Variants in PRKDC observed in about 807,000 individuals in gnomAD.
PRKDC encodes DNA-dependent protein kinase catalytic subunit.
A neutral mutation model predicts 486.9 loss-of-function variants in PRKDC; 82 were observed. The ratio of observed to expected loss-of-function variants is 0.17; its 90% CI spans 0.14 to 0.20. The LOEUF is 0.20. PRKDC is among the 10% of genes least tolerant of loss of function. PRKDC has a pLI of 1.00. For synonymous variants in PRKDC, 1,895 were observed against 1,837.0 expected, an observed-to-expected ratio of 1.03 and a Z score of -0.81; for missense variants, 4,504 against 5,038.2, an observed-to-expected ratio of 0.89 and a Z score of 3.21.
At chr8:47,838,462 T>C (rs2088073894) in intron 56 of PRKDC, among the ~76,000 whole-genome samples, 1 of 151,542 alleles carries the variant, frequency 6.6e-6, no homozygotes, top group Non-Finnish European at 1.5e-5. Context: ...AAATAAAAAA[T>C]CAGCCAAGCC....
In PRKDC at chr8:47,896,604, G is replaced by A. The variant is rs570361401; in HGVS notation, c.3598+557C>T. ...GGAGCTTGCAGTGAGCTGAGATAGC[G>A]CCACTGCAGTCCAGCCTGGGCAAAA... On this transcript the variant is annotated intron_variant, in intron 30 of 85. Transcript: ENST00000314191. Among the ~76,000 whole-genome samples the A allele has an allele frequency of 2.5e-4, 37 of 148,092 alleles. No homozygotes were observed. The South Asian group carries it at 6.5e-3, about 26-fold the overall frequency.
intron 22 of PRKDC, among the ~76,000 whole-genome samples, 181 bp downstream of exon 22, chr8:47,918,096 G>C (rs897838868): frequency 2.0e-5 from 3 of 152,120 alleles, no homozygotes; most frequent in African/African-American, 7.2e-5. Context: ...CCCTCCTAAA[G>C]TGCTGGGATT....
intron 11 of PRKDC, among the ~76,000 whole-genome samples, chr8:47,936,936 AAT>A (rs2090362096): frequency 6.7e-6 from 1 of 150,060 alleles, no homozygotes; most frequent in African/African-American, 2.5e-5. Context: ...CAAGCTTTTT[AAT>A]TAAGAAGAAA....
At chr8:47,916,195 C>A (rs1250160643) in intron 22 of PRKDC, among the ~76,000 whole-genome samples, 1 of 152,134 alleles carries the variant, frequency 6.6e-6, no homozygotes. Context: ...ACACCTGTAT[C>A]CCAGCATTTT....
chr8:47,927,700 G>A lies in PRKDC; in HGVS notation c.2259+71C>T. ...CCTGCTGGGACTGCCAGGGCAAGAG[G>A]ATGGTGTTTCTATGTGCTCTGGGAC... is the stretch of plus-strand genomic sequence containing the variant. On this transcript the variant is annotated intron_variant, in intron 20 of 85. Transcript: ENST00000314191. 3 of 1,414,242 alleles carry A rather than the reference G, an allele frequency of 2.1e-6. No homozygotes were observed. In the Admixed American group the frequency reaches 9.8e-5, roughly 46 times the overall value. 87.6% of individuals were successfully genotyped at this position (1,414,242 alleles called of 1,614,324 possible).
intron 85 of PRKDC, among the ~76,000 whole-genome samples, chr8:47,775,967 G>A (rs1407242718): frequency 6.6e-6 from 1 of 151,958 alleles, no homozygotes; most frequent in African/African-American, 2.4e-5. Context: ...GGGATTACAG[G>A]TGCGCACCAC....
intron 31 of PRKDC, 127 bp from the exon 32 acceptor site, chr8:47,890,607 A>G: frequency 1.7e-6 from 1 of 601,272 alleles, no homozygotes; most frequent in African/African-American, 1.8e-5. Context: ...TTTCAAAAGA[A>G]ACAAACAGCT....
Position 47,866,628 on chromosome 8 carries a change from G to A in PRKDC, c.5364-1865C>T, listed in dbSNP as rs536761014. ...TACTCATAATAAAAGAAAAATTAAG[G>A]TAACAAAGGGAAACCCTTTCTCACC... On this transcript the variant is annotated intron_variant, in intron 40 of 85. Coordinates refer to ENST00000314191, the MANE Select transcript of PRKDC (RefSeq NM_006904.7). Among the ~76,000 whole-genome samples the A allele has an allele frequency of 3.9e-5, 6 of 152,150 alleles. No individual in the cohort carries two copies. The South Asian group carries it at 1.2e-3, about 32-fold the overall frequency.
intron 30 of PRKDC, 90 bp from the exon 31 acceptor site, chr8:47,893,477 C>T: frequency 1.5e-6 from 2 of 1,303,362 alleles, no homozygotes; most frequent in Non-Finnish European, 2.0e-6. Flanking sequence ...TGTTATGGGA[C>T]AATCTTTTTT....
chr8:47,794,454 C>G lies in PRKDC; in HGVS notation c.10506G>C (p.Met3502Ile). 6.2e-7 allele frequency: 1 copy of G among 1,613,720 alleles called. No homozygotes were observed. The highest frequency in any genetic ancestry group is 8.5e-7 in the Non-Finnish European group (1 of 1,179,644). The change falls in exon 74 of 86, where the codon ATG becomes ATC. Residue 3502 changes from methionine to isoleucine, a missense_variant. This residue lies in a region of PRKDC where 706 missense variants were observed against 945.0 expected (regional missense o/e 0.75). Transcript: ENST00000314191. Reference sequence around the variant, plus strand: ...CTTGGTCTTTGTCCAGTAAGGCCACCATGTGGCTGATCCAGCTGATGAACT... The same window carrying G: ...CTTGGTCTTTGTCCAGTAAGGCCACGATGTGGCTGATCCAGCTGATGAACT... ...CWQFISWISH[M>I]VALLDKDQAV...
intron 34 of PRKDC, 95 bp from the exon 35 acceptor site, chr8:47,887,800 A>T: frequency 3.1e-6 from 4 of 1,301,980 alleles, no homozygotes; most frequent in Non-Finnish European, 3.1e-6. Context: ...CCCACTTCAG[A>T]TAGCACTGAC....
At chr8:47,846,536 C>T (rs1428143094) in intron 54 of PRKDC, among the ~76,000 whole-genome samples, 2 of 152,030 alleles carry the variant, frequency 1.3e-5, no homozygotes, top group Non-Finnish European at 2.9e-5. Flanking sequence ...GACAAACCCA[C>T]AGCCTACATG....
chr8:47,834,490 T>C (rs2087963535), intron 58 of PRKDC, 94 bp from the exon 59 acceptor site: 2 of 1,322,576 alleles, frequency 1.5e-6, no homozygotes, highest in Non-Finnish European at 2.1e-6. Context: ...GGTGGCACCC[T>C]AGGCCTCCGT....
chr8:47,836,414 G>C lies in PRKDC; in HGVS notation c.7875C>G (p.Leu2625=). 6.2e-7 allele frequency: 1 copy of C among 1,612,916 alleles called. No homozygotes were observed. The highest frequency in any genetic ancestry group is 8.5e-7 in the Non-Finnish European group (1 of 1,179,354). ...TLQTRTQEGS[L]SARWPVAGQI... ...GCCCTGCCACTGGCCAGCGAGCTGA[G>C]AGGGACCCTTCCTGGGTACGGGTCT... Residue 2625 remains leucine, a synonymous_variant, in exon 58 of 86, where the codon CTC becomes CTG. Transcript: ENST00000314191.
In PRKDC at chr8:47,959,844, C is replaced by T. The variant is rs1039700847; in HGVS notation, c.154+129G>A. 1.9e-5 allele frequency: 27 copies of T among 1,418,166 alleles called. No individual in the cohort carries two copies. The African/African-American group carries it at 2.7e-4, about 14-fold the overall frequency. 87.8% of individuals were successfully genotyped at this position (1,418,166 alleles called of 1,614,324 possible). On this transcript the variant is annotated intron_variant, in intron 1 of 85. Coordinates refer to ENST00000314191, the MANE Select transcript of PRKDC (RefSeq NM_006904.7). ...CCCTTTATACACATACACAGAAATT[C>T]CCCCAAGAATCTAATTGCTGTACTT...
At chr8:47,807,946 C>T (rs1423315715) in intron 68 of PRKDC, among the ~76,000 whole-genome samples, 5 of 151,870 alleles carry the variant, frequency 3.3e-5, no homozygotes. Flanking sequence ...GAACTCCTGA[C>T]CCTCAGGTGA....
At chr8:47,958,736 CT>C (rs35991452) in intron 1 of PRKDC, among the ~76,000 whole-genome samples, 1,840 of 138,510 alleles carry the variant, frequency 0.013, 14 homozygotes, top group Middle Eastern at 0.027. Context: ...TATATAGCAT[CT>C]TTTTTTTTTT....
chr8:47,846,930 TAAG>T (rs962331305), intron 54 of PRKDC, among the ~76,000 whole-genome samples: 4 of 152,064 alleles, frequency 2.6e-5, no homozygotes, highest in African/African-American at 9.7e-5. Flanking sequence ...ATAAAACACC[TAAG>T]AATACAGCTA....
chr8:47,856,084 T>C lies in PRKDC; in HGVS notation c.6610-711A>G, dbSNP rs555886562. Among the ~76,000 whole-genome samples, 38 of 152,350 alleles carry C rather than the reference T, an allele frequency of 2.5e-4. 3 individuals are homozygous for C. The South Asian group carries it at 7.9e-3, about 32-fold the overall frequency. ...TGTTAAACTGAACCCCTCTTAATTT[T>C]TTCATTTTATTAAGCAGAAAACAAA... On this transcript the variant is annotated intron_variant, in intron 49 of 85. Coordinates refer to ENST00000314191, the MANE Select transcript of PRKDC (RefSeq NM_006904.7).
Sources: allele counts gnomAD v4.1 joint callset (sites outside exome capture counted in the v4.1 genomes callset), GRCh38; gene constraint gnomAD v4.1.1; regional missense constraint gnomAD v4.1.1; transcripts MANE v1.5; gene names NCBI Gene and HGNC (gene_info 2026-07-23, HGNC 2026-07-21).